TEAD4: variants seen among roughly 807,000 people sequenced by gnomAD.
The protein encoded by TEAD4 is transcriptional enhancer factor TEF-3.
In TEAD4, 36 loss-of-function variants were observed where a neutral mutation model predicts 52.4. The ratio of observed to expected loss-of-function variants is 0.69; its 90% CI spans 0.53 to 0.91. TEAD4 has a LOEUF of 0.91. Ranked by LOEUF, TEAD4 falls within the 40% of genes least tolerant of loss-of-function variation. TEAD4 has a pLI of 0.00. For missense variants in TEAD4, 508 were observed against 583.9 expected, an observed-to-expected ratio of 0.87 and a Z score of 1.34; for synonymous variants, 220 against 231.0, an observed-to-expected ratio of 0.95 and a Z score of 0.43.
intron 3 of TEAD4, among the ~76,000 whole-genome samples, chr12:3,005,598 G>A (rs1263938616): frequency 1.3e-5 from 2 of 152,070 alleles, no homozygotes; most frequent in African/African-American, 2.4e-5. Context: ...CTGGGTTCAA[G>A]CCATTCTCCT....
At chr12:3,007,080 C>T (rs934220398) in intron 3 of TEAD4, among the ~76,000 whole-genome samples, 3 of 152,206 alleles carry the variant, frequency 2.0e-5, no homozygotes, top group African/African-American at 4.8e-5. Flanking sequence ...TGGTGTGGCT[C>T]CTGTCCCGCC....
In TEAD4 at chr12:2,971,625, C is replaced by G. The variant is rs565760508; in HGVS notation, c.-30+11585C>G. Among the ~76,000 whole-genome samples the G allele has an allele frequency of 8.0e-4, 118 of 148,230 alleles. 1 individual carries two copies. In the East Asian group the frequency reaches 0.022, roughly 27 times the overall value. On this transcript the variant is annotated intron_variant, in intron 2 of 12. Transcript: ENST00000359864. ...TGAGTAGCTGGGACTACAGGCACCC[C>G]CCACCACACCTGGCTAATTTTTTGT...
intron 10 of TEAD4, among the ~76,000 whole-genome samples, chr12:3,032,022 A>C (rs2098275902): frequency 1.3e-5 from 2 of 152,180 alleles, no homozygotes; most frequent in Admixed American, 6.5e-5. Context: ...GGGAGAGCAG[A>C]CTTAGCTCTG....
chr12:3,021,243 G>T (rs1418376072), intron 9 of TEAD4, among the ~76,000 whole-genome samples: 1 of 152,066 alleles, frequency 6.6e-6, no homozygotes, highest in East Asian at 1.9e-4. Flanking sequence ...GGTCAGAGGG[G>T]GACCTGGAGG....
At chr12:2,962,255 G>C (rs955428739) in intron 2 of TEAD4, among the ~76,000 whole-genome samples, 1 of 141,522 alleles carries the variant, frequency 7.1e-6, no homozygotes, top group Non-Finnish European at 1.5e-5. Flanking sequence ...CTCCCGGCCG[G>C]CTAGTTTCAT....
intron 2 of TEAD4, among the ~76,000 whole-genome samples, chr12:2,989,631 G>A (rs767990642): frequency 2.0e-5 from 3 of 151,918 alleles, no homozygotes; most frequent in Non-Finnish European, 2.9e-5. Context: ...TAGAGACAGG[G>A]GTCTCACTAT....
At chr12:3,001,106 C>A (rs2098251372) in intron 3 of TEAD4, among the ~76,000 whole-genome samples, 1 of 152,196 alleles carries the variant, frequency 6.6e-6, no homozygotes, top group South Asian at 2.1e-4. Context: ...CTACTCTGTC[C>A]CTGAGAGCTG....
chr12:2,977,522 G>T lies in TEAD4; in HGVS notation c.-29-17216G>T, dbSNP rs375323564. Among the ~76,000 whole-genome samples the T allele has an allele frequency of 2.6e-5, 4 of 152,186 alleles. No individual in the cohort carries two copies. The East Asian group carries it at 7.7e-4, about 29-fold the overall frequency. On this transcript the variant is annotated intron_variant, in intron 2 of 12. Transcript: ENST00000359864. ...GAAGGCCTCACACCAAAGGATGGCC[G>T]GGAAGGTGCTGCCGTGCATTGCCTT...
At chr12:3,018,703 G>A in intron 7 of TEAD4, 115 bp downstream of exon 7, 1 of 1,358,308 alleles carries the variant, frequency 7.4e-7, no homozygotes, top group South Asian at 1.2e-5. Flanking sequence ...GCTGGGGTCG[G>A]CCTTTCAGGA....
chr12:2,983,436 A>C (rs1341229623), intron 2 of TEAD4, among the ~76,000 whole-genome samples: 1 of 152,156 alleles, frequency 6.6e-6, no homozygotes, highest in Non-Finnish European at 1.5e-5. Flanking sequence ...GGATCTGGGG[A>C]GGGAGTGTGA....
intron 3 of TEAD4, among the ~76,000 whole-genome samples, chr12:3,008,961 G>A (rs114773302): frequency 0.03 from 4,553 of 152,180 alleles, 211 homozygotes; most frequent in African/African-American, 0.1. Flanking sequence ...TTCCTTGCCC[G>A]TAGACTAGTC....
chr12:2,968,196 C>T (rs1020467403), intron 2 of TEAD4, among the ~76,000 whole-genome samples: 2 of 149,816 alleles, frequency 1.3e-5, no homozygotes, highest in African/African-American at 2.4e-5. Flanking sequence ...AAGCGATTCT[C>T]CTGCCACAGC....
chr12:3,039,985 C>T (rs1323489282), intron 11 of TEAD4, 122 bp from the exon 12 acceptor site: 40 of 1,357,022 alleles, frequency 2.9e-5, no homozygotes, highest in Admixed American at 1.0e-4. Flanking sequence ...CTGCCCCTGG[C>T]TGGGGGTGAC....
chr12:2,977,751 C>T (rs562328019), intron 2 of TEAD4, among the ~76,000 whole-genome samples: 28 of 152,334 alleles, frequency 1.8e-4, no homozygotes, highest in African/African-American at 6.7e-4. Flanking sequence ...TTCACGTGGC[C>T]TTTCCCGAGA....
chr12:3,000,254 G>A (rs912445817), intron 3 of TEAD4, among the ~76,000 whole-genome samples: 2 of 152,198 alleles, frequency 1.3e-5, no homozygotes, highest in Non-Finnish European at 2.9e-5. Flanking sequence ...GTGAGTGCTT[G>A]TCTTGGTCTG....
chr12:3,036,128 G>A (rs1258253090), intron 10 of TEAD4, among the ~76,000 whole-genome samples: 7 of 152,170 alleles, frequency 4.6e-5, no homozygotes, highest in African/African-American at 9.7e-5. Flanking sequence ...GCATTGACAC[G>A]AATGCTTTTT....
chr12:2,997,719 G>A (rs983735758), intron 3 of TEAD4, among the ~76,000 whole-genome samples: 81 of 151,392 alleles, frequency 5.4e-4, no homozygotes, highest in African/African-American at 1.9e-3. Flanking sequence ...GGAGGGCCCC[G>A]TGGAGATGCT....
At chr12:3,036,688 T>C (rs1426046445) in intron 10 of TEAD4, among the ~76,000 whole-genome samples, 1 of 152,182 alleles carries the variant, frequency 6.6e-6, no homozygotes, top group Non-Finnish European at 1.5e-5. Context: ...GTAATGTGCC[T>C]GTGCGTTGTT....
intron 4 of TEAD4, 75 bp downstream of exon 4, chr12:3,011,143 C>T: frequency 6.6e-7 from 1 of 1,517,852 alleles, no homozygotes; most frequent in Non-Finnish European, 9.1e-7. Flanking sequence ...TGGGCCAGGC[C>T]CTCCCAGGAC....
Sources: allele counts gnomAD v4.1 joint callset (sites outside exome capture counted in the v4.1 genomes callset), GRCh38; gene constraint gnomAD v4.1.1; transcripts MANE v1.5; gene names NCBI Gene and HGNC (gene_info 2026-07-23, HGNC 2026-07-21).